Variants in EPRS1 observed in about 807,000 individuals in gnomAD.
The protein encoded by EPRS1 is bifunctional glutamate/proline--tRNA ligase.
A neutral mutation model predicts 188.3 loss-of-function variants in EPRS1; 107 were observed. That is an observed-to-expected ratio of 0.57 (90% confidence interval 0.49 to 0.67). The LOEUF (loss-of-function observed/expected upper bound fraction) is 0.67. Ranked by LOEUF, EPRS1 falls within the 30% of genes least tolerant of loss-of-function variation. The pLI, the probability that EPRS1 is intolerant of heterozygous loss-of-function variation, is 0.00. For missense variants in EPRS1, 1,577 were observed against 1,802.2 expected (o/e 0.88, Z 2.26); for synonymous variants, 596 against 593.1 (o/e 1.00, Z -0.07).
intron 24 of EPRS1, 28 bp downstream of exon 24, chr1:219,981,350 T>C (rs749839550): frequency 4.3e-6 from 6 of 1,396,232 alleles, no homozygotes; most frequent in East Asian, 2.3e-5. Context: ...TGAATAATAA[T>C]AGAATACAAG....
intron 18 of EPRS1, among the ~76,000 whole-genome samples, chr1:219,993,807 T>C (rs1661169593): frequency 6.6e-6 from 1 of 152,364 alleles, no homozygotes; most frequent in African/African-American, 2.4e-5. Flanking sequence ...AATATTTTAA[T>C]CTAGGCTTTG....
At chr1:220,037,999 G>A (rs72747318) in intron 2 of EPRS1, among the ~76,000 whole-genome samples, 2,568 of 152,174 alleles carry the variant, frequency 0.017, 29 homozygotes, top group Non-Finnish European at 0.025. Context: ...CTGGGAGAAA[G>A]GGGGAGATAG....
intron 3 of EPRS1, among the ~76,000 whole-genome samples, chr1:220,034,244 G>A (rs996663153): frequency 2.6e-5 from 4 of 152,214 alleles, no homozygotes; most frequent in South Asian, 2.1e-4. Context: ...ACACAAATAC[G>A]TATTGTGTTA....
At chr1:219,982,718 G>A in intron 23 of EPRS1, 54 bp downstream of exon 23, 1 of 1,400,086 alleles carries the variant, frequency 7.1e-7, no homozygotes, top group Non-Finnish European at 1.0e-6. Flanking sequence ...CAACTTTAGA[G>A]GCTGTCTCTA....
chr1:220,013,144 G>A (rs1250878625), intron 12 of EPRS1, among the ~76,000 whole-genome samples: 1 of 152,172 alleles, frequency 6.6e-6, no homozygotes, highest in Non-Finnish European at 1.5e-5. Context: ...CTTCTGCCTT[G>A]ACTGAAAAGT....
intron 19 of EPRS1, among the ~76,000 whole-genome samples, chr1:219,988,106 A>C (rs1661039395): frequency 6.6e-6 from 1 of 152,238 alleles, no homozygotes; most frequent in African/African-American, 2.4e-5. Context: ...ACTGTCTTCC[A>C]CTCATGTGAA....
intron 4 of EPRS1, 120 bp downstream of exon 4, chr1:220,033,382 T>A: frequency 1.6e-6 from 1 of 621,010 alleles, no homozygotes; most frequent in Non-Finnish European, 2.6e-6. Context: ...CCTAAGTTAC[T>A]GTCTAAACAT....
chr1:220,024,063 A>C (rs993585316), intron 8 of EPRS1, among the ~76,000 whole-genome samples: 1 of 152,180 alleles, frequency 6.6e-6, no homozygotes, highest in Non-Finnish European at 1.5e-5. Flanking sequence ...GAGGCAGAAG[A>C]ATCACTTGAA....
At chr1:220,027,008 T>C (rs952577885) in intron 6 of EPRS1, among the ~76,000 whole-genome samples, 3 of 152,066 alleles carry the variant, frequency 2.0e-5, no homozygotes, top group African/African-American at 7.2e-5. Context: ...AAGAAGGGCT[T>C]GGGCCGGGCA....
At chr1:219,972,981 C>G (rs1203271188) in intron 29 of EPRS1, among the ~76,000 whole-genome samples, 1 of 152,136 alleles carries the variant, frequency 6.6e-6, no homozygotes, top group Non-Finnish European at 1.5e-5. Context: ...CTCATAAAAG[C>G]CTAGATTTAA....
At position 220,006,296 on chromosome 1, in the gene EPRS1, A is replaced by AT; in HGVS notation, c.1759dup (p.Ile587AsnfsTer5). The AT allele has an allele frequency of 1.3e-6, 2 of 1,556,078 alleles. No homozygotes were observed. The highest frequency in any genetic ancestry group is 1.7e-6 in the Non-Finnish European group (2 of 1,145,928). Reference sequence around the variant, plus strand: ...ATTCAACTTTGCATCAAGAGATATGATTTTTCCATCTGCATTTCTAGATAT... The same window carrying AT: ...ATTCAACTTTGCATCAAGAGATATGATTTTTTCCATCTGCATTTCTAGATAT... On this transcript the variant is annotated frameshift_variant, in exon 15 of 32. Transcript: ENST00000366923. LOFTEE classifies it high-confidence loss of function.
chr1:219,983,417 G>A lies in EPRS1; in HGVS notation c.3091-19C>T, dbSNP rs765103902. The A allele has an allele frequency of 1.3e-6, 2 of 1,581,630 alleles. No homozygotes were observed. The highest frequency in any genetic ancestry group is 2.3e-5 in the South Asian group (2 of 88,152). ...TGATGACCTTTTTAAAAGAAAAATAGTCTTTAAAGCTTACATTGAACCAAA... is the reference window on the plus strand; with the variant it reads ...TGATGACCTTTTTAAAAGAAAAATAATCTTTAAAGCTTACATTGAACCAAA... On this transcript the variant is annotated intron_variant, in intron 21 of 31. Transcript: ENST00000366923.
At chr1:219,982,969 GC>G (rs1660928577) in intron 22 of EPRS1, 125 bp from the exon 23 acceptor site, 1 of 865,938 alleles carries the variant, frequency 1.2e-6, no homozygotes, top group Non-Finnish European at 1.9e-6. Context: ...TAAAATAGTC[GC>G]TGCTGTTCAC....
At chr1:219,991,089 T>G (rs570630614) in intron 18 of EPRS1, among the ~76,000 whole-genome samples, 2 of 152,138 alleles carry the variant, frequency 1.3e-5, no homozygotes, top group East Asian at 3.9e-4. Context: ...GACTAAAAAC[T>G]GGAAAGTTAA....
chr1:219,973,443 A>G, intron 28 of EPRS1, 45 bp from the exon 29 acceptor site: 2 of 1,397,892 alleles, frequency 1.4e-6, no homozygotes, highest in Non-Finnish European at 2.0e-6. Context: ...GAATGTCTCC[A>G]GTTGAATATA....
At chr1:219,978,194 T>G (rs1056660706) in intron 28 of EPRS1, among the ~76,000 whole-genome samples, 2 of 152,234 alleles carry the variant, frequency 1.3e-5, no homozygotes, top group African/African-American at 4.8e-5. Flanking sequence ...GTGATGTCCA[T>G]GTACTGTTAT....
intron 28 of EPRS1, 23 bp downstream of exon 28, chr1:219,978,523 A>T (rs774313178): frequency 4.1e-5 from 62 of 1,519,668 alleles, no homozygotes; most frequent in Non-Finnish European, 5.4e-5. Context: ...GTTGGGGGTA[A>T]AAGATAAAGC....
intron 7 of EPRS1, 116 bp from the exon 8 acceptor site, chr1:220,024,572 T>C: frequency 1.6e-6 from 1 of 639,256 alleles, no homozygotes; most frequent in Non-Finnish European, 2.6e-6. Context: ...TTATTTAGCC[T>C]GAAAATGGTT....
intron 16 of EPRS1, 112 bp downstream of exon 16, chr1:220,005,134 CTG>C (rs1661433822): frequency 1.6e-5 from 7 of 425,200 alleles, no homozygotes; most frequent in Admixed American, 8.6e-5. Context: ...AACTGAGAGA[CTG>C]AGAAAGAAAA....
Sources: gnomAD v4.1 joint callset for allele counts (sites outside exome capture counted in the v4.1 genomes callset) on GRCh38, gnomAD v4.1.1 for gene constraint, MANE v1.5 for transcripts, NCBI Gene and HGNC (gene_info 2026-07-23, HGNC 2026-07-21) for gene names.